The following MEI4 variants were observed in gnomAD, a reference collection of about 807,000 sequenced individuals.
The protein encoded by MEI4 is meiosis-specific protein MEI4.
A neutral mutation model predicts 31.4 loss-of-function variants in MEI4; 27 were observed. The ratio of observed to expected loss-of-function variants is 0.86; its 90% CI spans 0.63 to 1.19. The LOEUF is 1.19. Ranked by LOEUF, MEI4 falls within the 50% of genes most tolerant of loss-of-function variation. The pLI, the probability that MEI4 is intolerant of heterozygous loss-of-function variation, is 0.00. For missense variants in MEI4, 329 were observed against 398.9 expected (o/e 0.82, Z 1.49); for synonymous variants, 122 against 145.4 (o/e 0.84, Z 1.16).
At chr6:77,899,229 C>T (rs948411712) in intron 4 of MEI4, among the ~76,000 whole-genome samples, 1 of 152,018 alleles carries the variant, frequency 6.6e-6, no homozygotes, top group Non-Finnish European at 1.5e-5. Flanking sequence ...CTTTAACCAA[C>T]ATTAGATAAA....
chr6:77,923,738 C>CATTATCAACACAAAGTGTTGGAATATA lies in MEI4; in HGVS notation c.*394_*420dup, dbSNP rs1407991288. The CATTATCAACACAAAGTGTTGGAATATA allele has an allele frequency of 6.5e-6, 1 of 152,934 alleles. No homozygotes were observed. The highest frequency in any genetic ancestry group is 6.6e-5 in the Admixed American group (1 of 15,204). The allele number at this position is 152,934 out of a possible 1,614,324, so 9.5% of individuals were successfully genotyped here. On this transcript the variant is annotated 3_prime_UTR_variant, in exon 5 of 5. Transcript: ENST00000684080. ...AGAGATTTTTAAAGAAGTTTAGTTG[C>CATTATCAACACAAAGTGTTGGAATATA]ATTATCAACACAAAGTGTTGGAATA... is the stretch of plus-strand genomic sequence containing the variant.
At chr6:77,842,309 A>AGG in intron 4 of MEI4, among the ~76,000 whole-genome samples, 1 of 152,320 alleles carries the variant, frequency 6.6e-6, no homozygotes, top group East Asian at 1.9e-4. Context: ...ATTTCTAAAT[A>AGG]ACCTATGGAT....
chr6:77,882,016 T>C (rs1246591118), intron 4 of MEI4, among the ~76,000 whole-genome samples: 1 of 152,214 alleles, frequency 6.6e-6, no homozygotes, highest in Non-Finnish European at 1.5e-5. Flanking sequence ...AGATGCCAAC[T>C]GTAAGTTCCT....
chr6:77,867,781 G>A (rs1360057169), intron 4 of MEI4, among the ~76,000 whole-genome samples: 2 of 152,064 alleles, frequency 1.3e-5, no homozygotes, highest in Non-Finnish European at 2.9e-5. Flanking sequence ...TGTTTATTGT[G>A]GCACTATTCA....
At chr6:77,913,050 C>T (rs1766466128) in intron 4 of MEI4, among the ~76,000 whole-genome samples, 1 of 152,098 alleles carries the variant, frequency 6.6e-6, no homozygotes, top group Admixed American at 6.6e-5. Context: ...AATGTTTTAT[C>T]TGCATCTATT....
At chr6:77,670,283 G>C (rs1389158774) in intron 1 of MEI4, among the ~76,000 whole-genome samples, 3 of 151,734 alleles carry the variant, frequency 2.0e-5, no homozygotes, top group African/African-American at 7.3e-5. Context: ...GCAGCTCTCT[G>C]TGGTTTGTAG....
rs1303879371 is a variant in MEI4, at chr6:77,923,783, C to T, written c.*437C>T. 6.6e-6 allele frequency: 1 copy of T among 152,068 alleles called. No homozygotes were observed. Among genetic ancestry groups the T allele is most frequent in the Non-Finnish European group, 1.5e-5 (1 of 67,994 alleles). 9.4% of individuals were successfully genotyped at this position (152,068 alleles called of 1,614,324 possible). ...GGAATATAAGAAGTGGTCATAAATGCAATTTTTAAAACTTTTTCTTACATA... is the reference window on the plus strand; with the variant it reads ...GGAATATAAGAAGTGGTCATAAATGTAATTTTTAAAACTTTTTCTTACATA... On this transcript the variant is annotated 3_prime_UTR_variant, in exon 5 of 5. Transcript: ENST00000684080.
chr6:77,786,317 G>A (rs1037567261), intron 3 of MEI4, among the ~76,000 whole-genome samples: 7 of 151,936 alleles, frequency 4.6e-5, no homozygotes, highest in Non-Finnish European at 1.0e-4. Context: ...TCTCACTAAG[G>A]TAAAATTGTA....
In MEI4 at chr6:77,744,898, G is replaced by C. The variant is rs556428662; in HGVS notation, c.233-16232G>C. On this transcript the variant is annotated intron_variant, in intron 2 of 4. Transcript: ENST00000684080. ...TTCATAAGTGAAGGAGAAATAAAAT[G>C]CTTTACAGAGAAGCAAATGCTAAGA... 3.4e-3 allele frequency among the ~76,000 whole-genome samples: 521 copies of C among 152,222 alleles called. 1 individual carries two copies. The highest frequency in any genetic ancestry group is 8.2e-3 in the Admixed American group (125 of 15,278).
chr6:77,801,586 T>C (rs1341869232), intron 3 of MEI4, among the ~76,000 whole-genome samples: 3 of 152,216 alleles, frequency 2.0e-5, no homozygotes, highest in Non-Finnish European at 2.9e-5. Flanking sequence ...TGTTAGGGTG[T>C]CAATTTTAGA....
intron 4 of MEI4, among the ~76,000 whole-genome samples, chr6:77,883,744 AAC>A (rs1491246248): frequency 9.5e-4 from 119 of 124,712 alleles, no homozygotes; most frequent in East Asian, 1.3e-3. Flanking sequence ...ATATATATAT[AAC>A]TTTGTCTTTG....
chr6:77,803,231 A>G (rs1258980673), intron 3 of MEI4, among the ~76,000 whole-genome samples: 3 of 152,050 alleles, frequency 2.0e-5, no homozygotes, highest in Admixed American at 1.3e-4. Flanking sequence ...TTCATCTTCC[A>G]TCACTGATAC....
At chr6:77,701,671 C>T (rs1766226454) in intron 2 of MEI4, among the ~76,000 whole-genome samples, 1 of 151,488 alleles carries the variant, frequency 6.6e-6, no homozygotes, top group South Asian at 2.1e-4. Flanking sequence ...TCATAGGCTA[C>T]AGGATGAGCA....
rs556273436 is a variant in MEI4, at chr6:77,808,611, A to G, written c.769-20320A>G. ...AGGAGGTCAGGCAACAGATGAAAAG[A>G]GGAAAACCTTGAGAGGAGGTTGTTT... On this transcript the variant is annotated intron_variant, in intron 3 of 4. Coordinates refer to ENST00000684080, the MANE Select transcript of MEI4 (RefSeq NM_001322247.2). Among the ~76,000 whole-genome samples, 399 of 152,322 alleles carry G rather than the reference A, an allele frequency of 2.6e-3. 1 individual carries two copies. The highest frequency in any genetic ancestry group is 4.1e-3 in the Non-Finnish European group (279 of 68,022).
chr6:77,896,327 A>G (rs1766084085), intron 4 of MEI4, among the ~76,000 whole-genome samples: 1 of 152,122 alleles, frequency 6.6e-6, no homozygotes, highest in Non-Finnish European at 1.5e-5. Context: ...AGGATGTTTC[A>G]CCAAAGAAAT....
chr6:77,714,755 G>T (rs564020740), intron 2 of MEI4, among the ~76,000 whole-genome samples: 11 of 152,176 alleles, frequency 7.2e-5, no homozygotes, highest in African/African-American at 2.2e-4. Context: ...TGGTGCCCCT[G>T]CCTCTGTGCC....
At chr6:77,822,844 G>C (rs2127709185) in intron 3 of MEI4, among the ~76,000 whole-genome samples, 1 of 151,964 alleles carries the variant, frequency 6.6e-6, no homozygotes, top group Non-Finnish European at 1.5e-5. Flanking sequence ...GGATGGTCTT[G>C]ATCTCCTGAC....
chr6:77,824,311 G>A (rs940993348), intron 3 of MEI4, among the ~76,000 whole-genome samples: 3 of 152,106 alleles, frequency 2.0e-5, no homozygotes, highest in Non-Finnish European at 4.4e-5. Flanking sequence ...ATGTTGGCCA[G>A]GCTGGTCTCG....
chr6:77,886,332 A>T (rs1771616569), intron 4 of MEI4, among the ~76,000 whole-genome samples: 1 of 152,082 alleles, frequency 6.6e-6, no homozygotes, highest in African/African-American at 2.4e-5. Flanking sequence ...CAATCTTGTT[A>T]TTCATTATTG....
Sources: gnomAD v4.1 joint callset for allele counts (sites outside exome capture counted in the v4.1 genomes callset) on GRCh38, gnomAD v4.1.1 for gene constraint, MANE v1.5 for transcripts, NCBI Gene and HGNC (gene_info 2026-07-23, HGNC 2026-07-21) for gene names.